The following SVOPL variants were observed in gnomAD, a reference collection of about 807,000 sequenced individuals.
SVOPL encodes the protein SVOP like.
In SVOPL, 60 loss-of-function variants were observed where a neutral mutation model predicts 61.0. That is an observed-to-expected ratio of 0.98 (90% CI 0.80 to 1.22). SVOPL has a LOEUF of 1.22. Among genes scored for constraint, SVOPL ranks in the 50% most tolerant of loss-of-function variants. SVOPL has a pLI of 0.00. For missense variants in SVOPL, 662 were observed against 643.9 expected, an observed-to-expected ratio of 1.03 and a Z score of -0.30; for synonymous variants, 279 against 250.0, an observed-to-expected ratio of 1.12 and a Z score of -1.09.
chr7:138,683,681 T>G (rs941017836), intron 1 of SVOPL, among the ~76,000 whole-genome samples: 1 of 152,072 alleles, frequency 6.6e-6, no homozygotes, highest in African/African-American at 2.4e-5. Flanking sequence ...TGTGAGATGC[T>G]TATGTAACTT....
chr7:138,632,466 G>A (rs953907858), intron 9 of SVOPL, among the ~76,000 whole-genome samples: 9 of 152,032 alleles, frequency 5.9e-5, no homozygotes, highest in African/African-American at 1.9e-4. Context: ...CTGTGAAGAA[G>A]ATCACTTAAT....
intron 1 of SVOPL, among the ~76,000 whole-genome samples, chr7:138,693,666 A>T (rs1472561358): frequency 6.7e-6 from 1 of 148,572 alleles, no homozygotes; most frequent in African/African-American, 2.5e-5. Flanking sequence ...AGAGAGAGGG[A>T]GGGAGGGAGC....
chr7:138,679,209 C>G (rs564507875), intron 1 of SVOPL, 130 bp from the exon 2 acceptor site: 1 of 605,956 alleles, frequency 1.7e-6, no homozygotes, highest in Admixed American at 3.1e-5. Flanking sequence ...GTATTTTTAT[C>G]CTCTTTTCAC....
chr7:138,604,820 A>G (rs1798682905), intron 14 of SVOPL, among the ~76,000 whole-genome samples: 1 of 152,102 alleles, frequency 6.6e-6, no homozygotes, highest in African/African-American at 2.4e-5. Flanking sequence ...AATACACTGG[A>G]AAATAGAAAC....
Position 138,672,041 on chromosome 7 carries a change from C to CA in SVOPL, c.250dup (p.Trp84LeufsTer26). On this transcript the variant is annotated frameshift_variant, in exon 4 of 16. Coordinates refer to ENST00000674285, the MANE Select transcript of SVOPL (RefSeq NM_001139456.2). LOFTEE classifies it high-confidence loss of function. ...TACCGTGGTTACTAATGCCACCTGC[C>CA]AATTCTCCAGTTGCCATTCACAGCG... is the stretch of plus-strand genomic sequence containing the variant. The CA allele has an allele frequency of 6.4e-7, 1 of 1,551,648 alleles. No individual in the cohort carries two copies. Among genetic ancestry groups the CA allele is most frequent in the Non-Finnish European group, 8.7e-7 (1 of 1,146,972 alleles).
intron 12 of SVOPL, among the ~76,000 whole-genome samples, chr7:138,626,259 C>T (rs182594304): frequency 9.2e-5 from 14 of 152,310 alleles, no homozygotes; most frequent in African/African-American, 2.6e-4. Flanking sequence ...CATTCCCCAA[C>T]GCTGCCATTC....
rs1403906114 is a variant in SVOPL, at chr7:138,621,810, C to G, written c.1264-675G>C. ...TCTATCTATCTATCTATGTATCTAT[C>G]TATGTATCTATGTATCTATGTATCT... On this transcript the variant is annotated intron_variant, in intron 13 of 15. Transcript: ENST00000674285. Among the ~76,000 whole-genome samples, 28 of 65,750 alleles carry G rather than the reference C, an allele frequency of 4.3e-4. 1 individual carries two copies. Among genetic ancestry groups the G allele is most frequent in the South Asian group, 1.0e-3 (2 of 1,924 alleles). The allele number at this position is 65,750 out of a possible 152,430, so 43.1% of individuals were successfully genotyped here.
chr7:138,647,937 C>T (rs1332986720), intron 8 of SVOPL, among the ~76,000 whole-genome samples: 4 of 151,642 alleles, frequency 2.6e-5, no homozygotes, highest in South Asian at 2.1e-4. Context: ...TGTATTGAGT[C>T]GAGGTTTAGA....
rs1039773840 is a variant in SVOPL at position 138,639,753 on chromosome 7, G to T, written c.789+4964C>A. ...CTGTTGTCCGGGCTACTAAAATACA[G>T]GGTCCAGTACAGCAGTGCGATCATA... On this transcript the variant is annotated intron_variant, in intron 9 of 15. Transcript: ENST00000674285. Among the ~76,000 whole-genome samples the T allele has an allele frequency of 1.1e-4, 16 of 152,112 alleles. 1 individual carries two copies. Among genetic ancestry groups the T allele is most frequent in the Admixed American group, 2.6e-4 (4 of 15,258 alleles).
chr7:138,630,951 G>GAAAAAAA (rs57139655), intron 9 of SVOPL, among the ~76,000 whole-genome samples: 2 of 76,340 alleles, frequency 2.6e-5, no homozygotes, highest in Non-Finnish European at 3.2e-5. Flanking sequence ...CTCAAAAAAA[G>GAAAAAAA]AAAAAAAAAA....
chr7:138,687,205 G>A (rs983498904), intron 1 of SVOPL, among the ~76,000 whole-genome samples: 1 of 145,486 alleles, frequency 6.9e-6, no homozygotes, highest in African/African-American at 2.5e-5. Context: ...TTATTTGGAA[G>A]CTCTTTTTTT....
chr7:138,631,716 A>G (rs572699054), intron 9 of SVOPL, among the ~76,000 whole-genome samples: 1 of 152,258 alleles, frequency 6.6e-6, no homozygotes, highest in Non-Finnish European at 1.5e-5. Flanking sequence ...GTACAGGTGT[A>G]CATCAAATCG....
intron 14 of SVOPL, among the ~76,000 whole-genome samples, chr7:138,597,641 CGTGTGTGTGT>C (rs60875635): frequency 4.1e-5 from 6 of 147,518 alleles, no homozygotes; most frequent in African/African-American, 1.3e-4. Context: ...ATAACGTCTG[CGTGTGTGTGT>C]GTGTGTGTGT....
chr7:138,680,170 T>C (rs1802668145), intron 1 of SVOPL, among the ~76,000 whole-genome samples: 1 of 141,136 alleles, frequency 7.1e-6, no homozygotes, highest in South Asian at 2.1e-4. Flanking sequence ...GTCATTGTCT[T>C]TTTTTTTTTT....
intron 9 of SVOPL, among the ~76,000 whole-genome samples, chr7:138,633,117 A>C (rs1226220883): frequency 6.6e-6 from 1 of 152,194 alleles, no homozygotes; most frequent in African/African-American, 2.4e-5. Context: ...GGAAGAAGTG[A>C]GCTGACGCTG....
At chr7:138,646,989 A>G (rs1279891284) in intron 8 of SVOPL, among the ~76,000 whole-genome samples, 1 of 152,228 alleles carries the variant, frequency 6.6e-6, no homozygotes, top group Non-Finnish European at 1.5e-5. Context: ...GAAAATGGAC[A>G]TGGCTCTGGG....
rs577125799 is a variant in SVOPL, at chr7:138,678,515, C to G, written c.93G>C (p.Thr31=). ...TAEPQVKEPK[T]FTVEDAVETI... Reference sequence around the variant, plus strand: ...TCTCCACTGCATCTTCCACGGTGAACGTCTTTGGCTCTAACAACGAAAGAC... The same window carrying G: ...TCTCCACTGCATCTTCCACGGTGAAGGTCTTTGGCTCTAACAACGAAAGAC... The change falls in exon 3 of 16, where the codon ACG becomes ACC. Residue 31 remains threonine, a synonymous_variant. Transcript: ENST00000674285. The G allele has an allele frequency of 1.8e-5, 28 of 1,551,958 alleles. No individual in the cohort carries two copies. The African/African-American group carries it at 3.4e-4, about 19-fold the overall frequency.
chr7:138,670,410 T>C (rs1214598460), intron 4 of SVOPL, among the ~76,000 whole-genome samples: 1 of 152,186 alleles, frequency 6.6e-6, no homozygotes, highest in Non-Finnish European at 1.5e-5. Context: ...ACATCACTAT[T>C]GTAGAACCTA....
chr7:138,640,301 G>A (rs746418070), intron 9 of SVOPL, among the ~76,000 whole-genome samples: 8 of 151,314 alleles, frequency 5.3e-5, no homozygotes, highest in Non-Finnish European at 7.4e-5. Context: ...GTGCCATCTC[G>A]GCTCACCGCA....
Sources: gnomAD v4.1 joint callset for allele counts (sites outside exome capture counted in the v4.1 genomes callset) on GRCh38, gnomAD v4.1.1 for gene constraint, MANE v1.5 for transcripts, NCBI Gene and HGNC (gene_info 2026-07-23, HGNC 2026-07-21) for gene names.